The following RASGEF1B variants were observed in gnomAD, a reference collection of about 807,000 sequenced individuals.
RASGEF1B encodes the protein RasGEF domain family member 1B.
RASGEF1B carries 30 observed loss-of-function variants against 65.7 expected under a neutral mutation model. The observed-to-expected ratio is 0.46, with a 90% CI of 0.34 to 0.62. The LOEUF is 0.62. Among genes scored for constraint, RASGEF1B ranks in the 20% least tolerant of loss-of-function variants. The pLI is 0.01. For synonymous variants in RASGEF1B, 175 were observed against 194.8 expected (o/e 0.90, Z 0.85); for missense variants, 495 against 580.1 (o/e 0.85, Z 1.51).
At chr4:81,456,839 C>A in intron 3 of RASGEF1B, 51 bp from the exon 4 acceptor site, 1 of 1,452,438 alleles carries the variant, frequency 6.9e-7, no homozygotes, top group Non-Finnish European at 9.4e-7. Context: ...CTATGGACTA[C>A]ATCAAATCAA....
chr4:81,445,913 G>T (rs1287004706), intron 6 of RASGEF1B, 75 bp from the exon 7 acceptor site: 2 of 1,069,530 alleles, frequency 1.9e-6, no homozygotes, highest in Non-Finnish European at 2.8e-6. Context: ...TGTGAAATAC[G>T]AGCCTTTAGT....
intron 1 of RASGEF1B, among the ~76,000 whole-genome samples, chr4:81,461,132 T>C (rs1722628439): frequency 6.6e-6 from 1 of 152,226 alleles, no homozygotes; most frequent in Non-Finnish European, 1.5e-5. Context: ...GTATGTTTCT[T>C]TCCTCCTCAA....
intron 13 of RASGEF1B, among the ~76,000 whole-genome samples, chr4:81,431,666 G>A (rs1475088833): frequency 6.6e-6 from 1 of 152,266 alleles, no homozygotes; most frequent in East Asian, 1.9e-4. Flanking sequence ...TACATTCTGA[G>A]TTTCTCAGTA....
At position 81,426,980 on chromosome 4, in the gene RASGEF1B, G is replaced by A. The variant is rs1721244637; in HGVS notation, c.*788C>T. 1 of 14,104 alleles carries A rather than the reference G, an allele frequency of 7.1e-5. No homozygotes were observed. The highest frequency in any genetic ancestry group is 1.7e-3 in the South Asian group (1 of 606). The allele number at this position is 14,104 out of a possible 1,614,324, so 0.9% of individuals were successfully genotyped here. Reference sequence around the variant, plus strand: ...GGTCAGTTGTAAACAGCTCAGAAGAGCAAAAAAAAAAAAAAAAAAAAAAAA... The same window carrying A: ...GGTCAGTTGTAAACAGCTCAGAAGAACAAAAAAAAAAAAAAAAAAAAAAAA... On this transcript the variant is annotated 3_prime_UTR_variant, in exon 14 of 14. Transcript: ENST00000264400.
intron 1 of RASGEF1B, among the ~76,000 whole-genome samples, chr4:81,467,290 A>T (rs1722872589): frequency 6.6e-6 from 1 of 152,210 alleles, no homozygotes; most frequent in Non-Finnish European, 1.5e-5. Flanking sequence ...TGTTGGAGGA[A>T]GGGGATTCTG....
intron 13 of RASGEF1B, among the ~76,000 whole-genome samples, chr4:81,429,445 T>C (rs1721340672): frequency 6.6e-6 from 1 of 152,162 alleles, no homozygotes; most frequent in African/African-American, 2.4e-5. Context: ...CTTTAAATGA[T>C]ACGGAATGGG....
intron 10 of RASGEF1B, among the ~76,000 whole-genome samples, chr4:81,435,957 T>C (rs112045411): frequency 6.6e-6 from 1 of 151,484 alleles, no homozygotes; most frequent in Non-Finnish European, 1.5e-5. Flanking sequence ...TTTTAAAAAT[T>C]TTGTGTAGAG....
intron 9 of RASGEF1B, 34 bp downstream of exon 9, chr4:81,442,263 T>C (rs1397963910): frequency 2.2e-6 from 3 of 1,394,234 alleles, no homozygotes; most frequent in Admixed American, 3.4e-5. Flanking sequence ...AGGTGTAAAG[T>C]GTTACTTAAC....
intron 1 of RASGEF1B, among the ~76,000 whole-genome samples, chr4:81,465,499 G>T (rs752638062): frequency 6.6e-6 from 1 of 152,180 alleles, no homozygotes; most frequent in Non-Finnish European, 1.5e-5. Context: ...CAGCTAATTT[G>T]GTCACAAAGA....
At chr4:81,445,986 T>C (rs1722009519) in intron 6 of RASGEF1B, 148 bp from the exon 7 acceptor site, 1 of 631,080 alleles carries the variant, frequency 1.6e-6, no homozygotes, top group Non-Finnish European at 2.8e-6. Context: ...AGACAACCAC[T>C]GGCATTCTTG....
intron 2 of RASGEF1B, 119 bp downstream of exon 2, chr4:81,459,213 T>C (rs1722554388): frequency 2.6e-6 from 2 of 779,630 alleles, no homozygotes; most frequent in African/African-American, 3.5e-5. Context: ...ATGCAATTTC[T>C]TGTTAGAAAA....
chr4:81,447,954 C>A, intron 5 of RASGEF1B, 115 bp downstream of exon 5: 1 of 814,968 alleles, frequency 1.2e-6, no homozygotes, highest in East Asian at 2.5e-5. Context: ...CAGATGATTT[C>A]CCACTTGGAT....
At chr4:81,465,923 A>C (rs2109998283) in intron 1 of RASGEF1B, among the ~76,000 whole-genome samples, 1 of 152,354 alleles carries the variant, frequency 6.6e-6, no homozygotes, top group South Asian at 2.1e-4. Context: ...AGTCAGAGAA[A>C]AAAAAGGTTT....
At chr4:81,443,955 A>G (rs932125987) in intron 8 of RASGEF1B, among the ~76,000 whole-genome samples, 2 of 152,236 alleles carry the variant, frequency 1.3e-5, no homozygotes, top group African/African-American at 4.8e-5. Flanking sequence ...ACCAGTTTTT[A>G]AAATTCCAGT....
chr4:81,467,749 C>T (rs1722890620), intron 1 of RASGEF1B, among the ~76,000 whole-genome samples: 1 of 152,122 alleles, frequency 6.6e-6, no homozygotes, highest in South Asian at 2.1e-4. Context: ...CAGGTGAAGA[C>T]GTACTGGCTA....
At chr4:81,444,803 G>C (rs1721963078) in intron 8 of RASGEF1B, among the ~76,000 whole-genome samples, 1 of 152,130 alleles carries the variant, frequency 6.6e-6, no homozygotes, top group South Asian at 2.1e-4. Flanking sequence ...CAAAGTGCTG[G>C]GATTACAGGC....
chr4:81,434,846 A>G (rs1461953900), intron 10 of RASGEF1B, 112 bp from the exon 11 acceptor site: 3 of 658,730 alleles, frequency 4.6e-6, no homozygotes, highest in African/African-American at 3.6e-5. Flanking sequence ...AAAGGCCACA[A>G]AGAATTAAGG....
intron 13 of RASGEF1B, among the ~76,000 whole-genome samples, chr4:81,430,219 T>G (rs1251788477): frequency 6.6e-6 from 1 of 152,134 alleles, no homozygotes; most frequent in Non-Finnish European, 1.5e-5. Flanking sequence ...GAGAATGGCG[T>G]GAACCCGGGA....
At position 81,433,937 on chromosome 4, in the gene RASGEF1B, CACTT is replaced by C. The variant is rs1166279805; in HGVS notation, c.1223_1226del (p.Gln408ArgfsTer5). 1.2e-6 allele frequency: 2 copies of C among 1,613,786 alleles called. No individual in the cohort carries two copies. The highest frequency in any genetic ancestry group is 1.3e-5 in the African/African-American group (1 of 74,880). ...CTTGTTTCCATGTCATAAATTCACTCACTTGTTTGGCCAGTTCCCAAAATTTCTG... is the reference window on the plus strand; with the variant it reads ...CTTGTTTCCATGTCATAAATTCACTCGTTTGGCCAGTTCCCAAAATTTCTG... On this transcript the variant is annotated frameshift_variant, in exon 12 of 14. Coordinates refer to ENST00000264400, the MANE Select transcript of RASGEF1B (RefSeq NM_152545.3). LOFTEE classifies it high-confidence loss of function.
Sources: gnomAD v4.1 joint callset for allele counts (sites outside exome capture counted in the v4.1 genomes callset) on GRCh38, gnomAD v4.1.1 for gene constraint, MANE v1.5 for transcripts, NCBI Gene and HGNC (gene_info 2026-07-23, HGNC 2026-07-21) for gene names.